Variants in SEMA3D observed in about 807,000 individuals in gnomAD.
SEMA3D encodes semaphorin-3D.
A neutral mutation model predicts 100.1 loss-of-function variants in SEMA3D; 84 were observed. The observed-to-expected ratio is 0.84, with a 90% CI of 0.70 to 1.01. The LOEUF (loss-of-function observed/expected upper bound fraction) is 1.01, where lower values mean the gene tolerates loss of function less well. Ranked by LOEUF, SEMA3D falls within the 50% of genes least tolerant of loss-of-function variation. SEMA3D has a pLI of 0.00. For synonymous variants in SEMA3D, 312 were observed against 320.7 expected, an observed-to-expected ratio of 0.97 and a Z score of 0.29; for missense variants, 875 against 934.1, an observed-to-expected ratio of 0.94 and a Z score of 0.82.
At chr7:85,216,884 C>A in the SEMA3D span, among the ~76,000 whole-genome samples, 1 of 151,394 alleles carries the variant, frequency 6.6e-6, no homozygotes, top group Admixed American at 6.6e-5. Context: ...TCTCCCACCC[C>A]CAAATTATAT....
the SEMA3D span, among the ~76,000 whole-genome samples, chr7:85,241,467 G>GTATATATATATATATATA: frequency 7.6e-4 from 70 of 91,964 alleles, 4 homozygotes; most frequent in African/African-American, 3.5e-3. Context: ...CTGTGTGTGT[G>GTATATATATATATATATA]TATATATATA....
At chr7:85,122,331 C>T (rs1398961142) in intron 2 of SEMA3D, among the ~76,000 whole-genome samples, 1 of 151,842 alleles carries the variant, frequency 6.6e-6, no homozygotes, top group Non-Finnish European at 1.5e-5. Context: ...ATAATTTTCC[C>T]ATCGCTCTTG....
chr7:85,095,301 C>CT (rs1218715812), intron 4 of SEMA3D, among the ~76,000 whole-genome samples: 2 of 151,986 alleles, frequency 1.3e-5, no homozygotes, highest in Admixed American at 1.3e-4. Flanking sequence ...TGATAATGGC[C>CT]TTTTTTTCAG....
At chr7:85,005,384 T>C (rs537510465) in intron 18 of SEMA3D, among the ~76,000 whole-genome samples, 8 of 152,166 alleles carry the variant, frequency 5.3e-5, no homozygotes, top group Non-Finnish European at 1.0e-4. Context: ...TCAGTGTAAC[T>C]ATGAATCTGC....
At chr7:85,060,124 ACT>A (rs1791432903) in intron 8 of SEMA3D, among the ~76,000 whole-genome samples, 1 of 152,048 alleles carries the variant, frequency 6.6e-6, no homozygotes, top group Non-Finnish European at 1.5e-5. Context: ...ATTTTATTGA[ACT>A]CTCTCTTAAA....
chr7:85,054,413 T>G (rs1791250811), intron 9 of SEMA3D, among the ~76,000 whole-genome samples: 1 of 152,120 alleles, frequency 6.6e-6, no homozygotes, highest in Non-Finnish European at 1.5e-5. Context: ...ACATTAGGAC[T>G]ACTCCAAACA....
chr7:85,040,822 CT>C (rs1372575281), intron 10 of SEMA3D, 80 bp from the exon 11 acceptor site: 1 of 696,028 alleles, frequency 1.4e-6, no homozygotes, highest in African/African-American at 1.8e-5. Context: ...AACTGAAACT[CT>C]GAAAATCTAA....
chr7:85,005,188 T>C (rs1789760367), intron 18 of SEMA3D, among the ~76,000 whole-genome samples: 2 of 152,100 alleles, frequency 1.3e-5, no homozygotes, highest in South Asian at 4.1e-4. Flanking sequence ...AATATTGGTT[T>C]GTGACACTTA....
chr7:85,030,562 A>T (rs2115909482), intron 12 of SEMA3D, among the ~76,000 whole-genome samples: 1 of 152,180 alleles, frequency 6.6e-6, no homozygotes, highest in East Asian at 1.9e-4. Flanking sequence ...AGCAAAGTAA[A>T]ACATGCATTT....
intron 12 of SEMA3D, among the ~76,000 whole-genome samples, chr7:85,024,299 A>G (rs1790333624): frequency 6.6e-6 from 1 of 151,898 alleles, no homozygotes; most frequent in Non-Finnish European, 1.5e-5. Context: ...TCAAACCCAG[A>G]GCAAGATTTT....
chr7:85,030,809 C>T (rs1398138732), intron 12 of SEMA3D, among the ~76,000 whole-genome samples: 1 of 151,956 alleles, frequency 6.6e-6, no homozygotes, highest in East Asian at 1.9e-4. Context: ...GGTTTTCTAG[C>T]AGTCTGTTAT....
chr7:85,013,086 C>T (rs1317323609), intron 16 of SEMA3D, among the ~76,000 whole-genome samples: 3 of 151,712 alleles, frequency 2.0e-5, no homozygotes, highest in Non-Finnish European at 1.5e-5. Flanking sequence ...TTTAACTACG[C>T]TTCTTTTTCT....
the SEMA3D span, among the ~76,000 whole-genome samples, chr7:85,224,605 T>G: frequency 6.6e-6 from 1 of 152,206 alleles, no homozygotes. Flanking sequence ...TATCAACTAG[T>G]TCAGCATTAG....
intron 1 of SEMA3D, among the ~76,000 whole-genome samples, chr7:85,155,081 T>C (rs1252653099): frequency 2.0e-5 from 3 of 152,064 alleles, no homozygotes; most frequent in African/African-American, 4.8e-5. Context: ...AATTCACACA[T>C]GCAGAAAAGT....
At chr7:85,138,878 A>G (rs1789957924) in intron 2 of SEMA3D, among the ~76,000 whole-genome samples, 2 of 150,996 alleles carry the variant, frequency 1.3e-5, no homozygotes, top group South Asian at 2.1e-4. Context: ...TCATTGTTCA[A>G]CTCCCATTTT....
intron 10 of SEMA3D, 102 bp from the exon 11 acceptor site, chr7:85,040,844 C>G: frequency 1.6e-6 from 1 of 629,436 alleles, no homozygotes; most frequent in Non-Finnish European, 2.8e-6. Flanking sequence ...ACAGTTTATA[C>G]GATTAACAGA....
Position 85,036,951 on chromosome 7 carries a change from C to T in SEMA3D, c.1129G>A (p.Glu377Lys). 6.2e-7 allele frequency: 1 copy of T among 1,613,498 alleles called. No homozygotes were observed. The highest frequency in any genetic ancestry group is 8.5e-7 in the Non-Finnish European group (1 of 1,179,612). The part of the protein sequence containing the change: ...AVFNGPYAHK[E>K]SADHRWVQYD... ...TGCACCCAACGATGGTCTGCACTTT[C>T]CTTATGAGCATATGGACCATTAAAA... The change falls in exon 12 of 19, where the codon GAA becomes AAA. Residue 377 changes from glutamate to lysine, a missense_variant. Glu to Lys is a moderately conservative substitution (Grantham distance 56). Transcript: ENST00000284136.
chr7:85,240,068 G>C, the SEMA3D span, among the ~76,000 whole-genome samples: 4 of 152,036 alleles, frequency 2.6e-5, no homozygotes, highest in Non-Finnish European at 4.4e-5. Context: ...TCTGGTGGGA[G>C]GGGACATCCT....
the SEMA3D span, among the ~76,000 whole-genome samples, chr7:85,234,421 C>G: frequency 6.6e-6 from 1 of 152,138 alleles, no homozygotes; most frequent in Non-Finnish European, 1.5e-5. Context: ...TCGGGCCAGA[C>G]TGAAGGCAGC....
Sources: gnomAD v4.1 joint callset for allele counts (sites outside exome capture counted in the v4.1 genomes callset) on GRCh38, gnomAD v4.1.1 for gene constraint, MANE v1.5 for transcripts, NCBI Gene and HGNC (gene_info 2026-07-23, HGNC 2026-07-21) for gene names.